Variants in CCDC57 observed in about 807,000 individuals in gnomAD.
CCDC57 encodes coiled-coil domain-containing protein 57.
In CCDC57, 118 loss-of-function variants were observed where a neutral mutation model predicts 118.9. That is an observed-to-expected ratio of 0.99 (90% CI 0.86 to 1.16). The LOEUF (loss-of-function observed/expected upper bound fraction) is 1.16, where lower values mean the gene tolerates loss of function less well. CCDC57 is among the 50% of genes most tolerant of loss of function. The pLI is 0.00. For missense variants in CCDC57, 1,300 were observed against 1,320.7 expected (o/e 0.98, Z 0.24); for synonymous variants, 527 against 532.9 (o/e 0.99, Z 0.15).
intron 19 of CCDC57, among the ~76,000 whole-genome samples, chr17:82,121,547 A>T (rs1334197928): frequency 6.6e-6 from 1 of 152,232 alleles, no homozygotes; most frequent in Non-Finnish European, 1.5e-5. Context: ...CTCCCTGATT[A>T]AAAGAAAAAG....
rs1466720402 is a variant in CCDC57 at position 82,101,882 on chromosome 17, GA to G, written c.2900-17del. The G allele has an allele frequency of 6.5e-7, 1 of 1,544,944 alleles. No individual in the cohort carries two copies. On this transcript the variant is annotated splice_polypyrimidine_tract_variant and intron_variant, in intron 19 of 19. Coordinates refer to ENST00000665763, the Ensembl canonical transcript of CCDC57. ...GCTGGGAGCTCTGTCAGGTAAAGAG[GA>G]AAAAACAGCATGCATCAGGATGGCA...
intron 19 of CCDC57, among the ~76,000 whole-genome samples, chr17:82,126,136 C>T (rs2037396904): frequency 6.6e-6 from 1 of 151,972 alleles, no homozygotes; most frequent in Non-Finnish European, 1.5e-5. Flanking sequence ...CAAAATTAGC[C>T]TGGAGTGGTG....
intron 15 of CCDC57, chr17:82,154,347 C>T (rs6502068): frequency 0.47 from 71,165 of 152,340 alleles, 17,442 homozygotes; most frequent in East Asian, 0.88. Flanking sequence ...GGAAGGGGAC[C>T]AGCTTTCGTC....
At chr17:82,127,624 C>A (rs1333143840) in intron 19 of CCDC57, 68 bp downstream of exon 18, 4 of 1,513,362 alleles carry the variant, frequency 2.6e-6, no homozygotes, top group African/African-American at 1.4e-5. Context: ...TCTCCACATG[C>A]CCCTCGGAGA....
chr17:82,161,953 G>A (rs1391605531), intron 14 of CCDC57, among the ~76,000 whole-genome samples: 1 of 152,028 alleles, frequency 6.6e-6, no homozygotes, highest in African/African-American at 2.4e-5. Context: ...CTTTAAAATG[G>A]CCAAAATGGT....
intron 4 of CCDC57, among the ~76,000 whole-genome samples, chr17:82,196,362 T>C (rs2048299103): frequency 6.6e-6 from 1 of 152,228 alleles, no homozygotes; most frequent in South Asian, 2.1e-4. Flanking sequence ...CAAAGCTCTT[T>C]GGTTTCTGAG....
At chr17:82,115,192 T>G (rs892378026) in intron 19 of CCDC57, among the ~76,000 whole-genome samples, 3 of 148,928 alleles carry the variant, frequency 2.0e-5, no homozygotes, top group Non-Finnish European at 4.4e-5. Flanking sequence ...CGGCAACCAC[T>G]GGGGCCGAGC....
At chr17:82,169,455 G>A (rs1179779250) in intron 13 of CCDC57, among the ~76,000 whole-genome samples, 2 of 152,192 alleles carry the variant, frequency 1.3e-5, no homozygotes, top group African/African-American at 4.8e-5. Context: ...GAGACAATCT[G>A]TGCCAGTGGA....
chr17:82,158,446 G>T (rs961277704), intron 14 of CCDC57, among the ~76,000 whole-genome samples: 2 of 152,146 alleles, frequency 1.3e-5, no homozygotes, highest in African/African-American at 2.4e-5. Context: ...CCAGTGCCTT[G>T]GGAGGCCGAG....
rs752453992 is a variant in CCDC57, at chr17:82,194,020, G to C, written c.738C>G (p.Ala246=). The change falls in exon 6 of 20, where the codon GCC becomes GCG. Residue 246 remains alanine, a synonymous_variant. Coordinates refer to ENST00000665763, the Ensembl canonical transcript of CCDC57. ...TGGCCTCCAGGTCCTGGAGCTCCCC[G>C]GCTCGGCTCTGGAGCTTCCTCTCCA... 2.5e-6 allele frequency: 4 copies of C among 1,612,860 alleles called. No individual in the cohort carries two copies. The South Asian group carries it at 4.4e-5, about 18-fold the overall frequency.
At chr17:82,132,952 G>A (rs960209841) in intron 17 of CCDC57, among the ~76,000 whole-genome samples, 1 of 151,948 alleles carries the variant, frequency 6.6e-6, no homozygotes, top group Non-Finnish European at 1.5e-5. Flanking sequence ...TAGAGACGGG[G>A]TTTCACCATG....
intron 17 of CCDC57, among the ~76,000 whole-genome samples, chr17:82,132,712 A>G (rs1020984061): frequency 1.3e-5 from 2 of 150,872 alleles, no homozygotes; most frequent in African/African-American, 4.9e-5. Flanking sequence ...GACTACCACA[A>G]ATGGGTAATT....
exon 18 of CCDC57, chr17:82,128,532 T>C (rs747931194): frequency 6.4e-7 from 1 of 1,574,390 alleles, no homozygotes; most frequent in South Asian, 1.2e-5. Context: ...TGCCCACCTG[T>C]GCTGAGCGGG....
At chr17:82,142,887 C>A (rs766762403) in intron 16 of CCDC57, among the ~76,000 whole-genome samples, 11 of 152,034 alleles carry the variant, frequency 7.2e-5, no homozygotes, top group Non-Finnish European at 1.5e-4. Flanking sequence ...CCACACTGGC[C>A]GGGTACGTGG....
At chr17:82,198,992 C>CAAAAAA (rs34649384) in intron 3 of CCDC57, among the ~76,000 whole-genome samples, 5 of 87,554 alleles carry the variant, frequency 5.7e-5, no homozygotes, top group East Asian at 3.5e-4. Flanking sequence ...GACTCCATCT[C>CAAAAAA]AAAAAAAAAA....
At chr17:82,119,937 G>A (rs1157265388) in intron 19 of CCDC57, among the ~76,000 whole-genome samples, 3 of 152,198 alleles carry the variant, frequency 2.0e-5, no homozygotes, top group Admixed American at 6.5e-5. Flanking sequence ...CTCAGAGGTT[G>A]GCCGTGCCCT....
chr17:82,193,933 C>A (rs1242183508), intron 6 of CCDC57, 49 bp downstream of exon 5: 1 of 1,584,072 alleles, frequency 6.3e-7, no homozygotes, highest in African/African-American at 1.3e-5. Flanking sequence ...CAGTCCTGGC[C>A]TGCGAGGCTG....
intron 13 of CCDC57, 132 bp from the exon 13 acceptor site, chr17:82,163,489 C>T: frequency 2.0e-6 from 2 of 1,011,134 alleles, no homozygotes; most frequent in Non-Finnish European, 2.9e-6. Flanking sequence ...CAATGCGAAG[C>T]TGTTCTTCAT....
rs964815803 is a variant in CCDC57 at position 82,172,954 on chromosome 17, G to A, written c.1507-94C>T. 57 of 1,139,070 alleles carry A rather than the reference G, an allele frequency of 5.0e-5. 1 individual carries two copies. The highest frequency in any genetic ancestry group is 2.5e-4 in the Middle Eastern group (1 of 4,024). 70.6% of individuals were successfully genotyped at this position (1,139,070 alleles called of 1,614,324 possible). A position where few individuals can be genotyped will look rare whatever the true frequency, so the allele number is the denominator to read the frequency against. On this transcript the variant is annotated intron_variant, in intron 11 of 19. Transcript: ENST00000665763. The surrounding 1 kb of genome is among the most constrained non-coding windows in gnomAD (Gnocchi z 5.2). The stretch of plus-strand genomic sequence containing the variant: ...CCTCCGCTCTCCCCGCGCCCCTCTC[G>A]GGCCGGTCCCCCGCTTCAGCTTGGG...
Sources: allele counts gnomAD v4.1 joint callset (sites outside exome capture counted in the v4.1 genomes callset), GRCh38; gene constraint gnomAD v4.1.1; non-coding constraint Gnocchi (gnomAD v3.1); transcripts MANE v1.5; gene names NCBI Gene and HGNC (gene_info 2026-07-23, HGNC 2026-07-21).